The following INPP5D variants were observed in gnomAD, a reference collection of about 807,000 sequenced individuals.
The protein encoded by INPP5D is inositol polyphosphate-5-phosphatase D, also known as phosphatidylinositol 3,4,5-trisphosphate 5-phosphatase 1.
In INPP5D, 33 loss-of-function variants were observed where a neutral mutation model predicts 122.9. The observed-to-expected ratio is 0.27, with a 90% CI of 0.20 to 0.36. INPP5D has a LOEUF of 0.36. Among genes scored for constraint, INPP5D ranks in the 10% least tolerant of loss-of-function variants. The pLI, the probability that INPP5D is intolerant of heterozygous loss-of-function variation, is 1.00. For synonymous variants in INPP5D, 584 were observed against 576.2 expected, an observed-to-expected ratio of 1.01 and a Z score of -0.19; for missense variants, 1,053 against 1,412.7, an observed-to-expected ratio of 0.75 and a Z score of 4.08.
At chr2:233,111,855 G>C (rs769655377) in intron 2 of INPP5D, among the ~76,000 whole-genome samples, 12 of 152,116 alleles carry the variant, frequency 7.9e-5, no homozygotes, top group Non-Finnish European at 1.6e-4. Flanking sequence ...GAGTCCAGGA[G>C]TTTTAGACCA....
At chr2:233,174,876 A>G (rs972885008) in intron 17 of INPP5D, among the ~76,000 whole-genome samples, 5 of 152,088 alleles carry the variant, frequency 3.3e-5, no homozygotes, top group Non-Finnish European at 5.9e-5. Flanking sequence ...TGATTCAGTA[A>G]TTCCGCTTTG....
chr2:233,142,105 G>A (rs1368764448), intron 6 of INPP5D, among the ~76,000 whole-genome samples: 15 of 152,294 alleles, frequency 9.8e-5, no homozygotes, highest in African/African-American at 3.1e-4. Flanking sequence ...AAAAAGCCTC[G>A]TGAGAGAGGC....
At chr2:233,153,648 G>A (rs1386062158) in intron 9 of INPP5D, among the ~76,000 whole-genome samples, 2 of 152,212 alleles carry the variant, frequency 1.3e-5, no homozygotes, top group African/African-American at 4.8e-5. Flanking sequence ...ACACAGCAGG[G>A]TCAGATGGAA....
chr2:233,169,068 C>A lies in INPP5D; in HGVS notation c.1556-237C>A, dbSNP rs1257349552. Among the ~76,000 whole-genome samples the A allele has an allele frequency of 5.9e-5, 9 of 152,286 alleles. No individual in the cohort carries two copies. In the East Asian group the frequency reaches 1.7e-3, roughly 29 times the overall value. On this transcript the variant is annotated intron_variant, in intron 13 of 26. Coordinates refer to ENST00000445964, the MANE Select transcript of INPP5D (RefSeq NM_001017915.3). ...GAGAGATGCCGGGGGAGGATCGCAGCAGCCACCTTCCTCTGCCCCGCCGAG... is the reference window on the plus strand; with the variant it reads ...GAGAGATGCCGGGGGAGGATCGCAGAAGCCACCTTCCTCTGCCCCGCCGAG...
chr2:233,182,037 A>G (rs560975552), intron 18 of INPP5D, among the ~76,000 whole-genome samples: 4 of 152,324 alleles, frequency 2.6e-5, no homozygotes, highest in Non-Finnish European at 5.9e-5. Context: ...TGGAGGCTGC[A>G]GTGAGCCGAG....
At chr2:233,150,927 T>C (rs959330395) in intron 9 of INPP5D, among the ~76,000 whole-genome samples, 1 of 152,006 alleles carries the variant, frequency 6.6e-6, no homozygotes, top group African/African-American at 2.4e-5. Flanking sequence ...ACTGAGAGAA[T>C]GGGGTGTGCA....
intron 13 of INPP5D, among the ~76,000 whole-genome samples, chr2:233,168,362 T>C (rs1285716521): frequency 6.6e-6 from 1 of 152,254 alleles, no homozygotes; most frequent in Non-Finnish European, 1.5e-5. Flanking sequence ...GATAGTCACA[T>C]GTGGCCTGTG....
intron 25 of INPP5D, 50 bp downstream of exon 25, chr2:233,198,426 C>A (rs750042630): frequency 6.4e-7 from 1 of 1,555,620 alleles, no homozygotes; most frequent in East Asian, 2.3e-5. Flanking sequence ...ATGAAAGCGC[C>A]CTGGGCTTTG....
chr2:233,137,877 TATATATATATATATATATATACACACAC>T (rs1693525786), intron 5 of INPP5D, among the ~76,000 whole-genome samples: 1 of 59,384 alleles, frequency 1.7e-5, no homozygotes, highest in East Asian at 4.1e-4. Flanking sequence ...TATATATATA[TATATATATATATATATATATACACACAC>T]ACACACACAT....
chr2:233,175,048 G>A lies in INPP5D; in HGVS notation c.1990-2217G>A, dbSNP rs144814229. ...TCCAGACCAGTCTGGCCAACACCGC[G>A]AAACCCGTCTCTATACAAAATTAGC... On this transcript the variant is annotated intron_variant, in intron 17 of 26. Transcript: ENST00000445964. 1.6e-3 allele frequency among the ~76,000 whole-genome samples: 238 copies of A among 151,532 alleles called. 2 individuals are homozygous for A. The East Asian group carries it at 0.025, about 16-fold the overall frequency.
Position 233,078,026 on chromosome 2 carries a change from G to A in INPP5D, c.135-1309G>A, listed in dbSNP as rs150807238. On this transcript the variant is annotated intron_variant, in intron 1 of 26. Coordinates refer to ENST00000445964, the MANE Select transcript of INPP5D (RefSeq NM_001017915.3). The surrounding 1 kb of genome is among the most constrained non-coding windows in gnomAD (Gnocchi z 4.6). ...CTACAGGGCTCTACGGGCCAGGTGA[G>A]CCTTCCGGGCTCAGGAGAATCTTAA... is the stretch of plus-strand genomic sequence containing the variant. Among the ~76,000 whole-genome samples the A allele has an allele frequency of 4.6e-5, 7 of 152,276 alleles. No homozygotes were observed. Among genetic ancestry groups the A allele is most frequent in the African/African-American group, 1.7e-4 (7 of 41,552 alleles).
intron 1 of INPP5D, among the ~76,000 whole-genome samples, chr2:233,070,732 C>T (rs539092766): frequency 2.0e-5 from 3 of 152,146 alleles, no homozygotes; most frequent in African/African-American, 4.8e-5. Flanking sequence ...TGAGCCACCG[C>T]GCCCGGCCAG....
At position 233,164,714 on chromosome 2, in the gene INPP5D, C is replaced by T. The variant is rs546758133; in HGVS notation, c.1555+290C>T. Among the ~76,000 whole-genome samples the T allele has an allele frequency of 8.5e-5, 13 of 152,264 alleles. No homozygotes were observed. The East Asian group carries it at 1.4e-3, about 16-fold the overall frequency. ...CTGACAGGTTCCCAGGCGACTTGAG[C>T]GCTGCTGGTCGGCCCGTGGGACCCA... On this transcript the variant is annotated intron_variant, in intron 13 of 26. Coordinates refer to ENST00000445964, the MANE Select transcript of INPP5D (RefSeq NM_001017915.3). The surrounding 1 kb of genome is among the most constrained non-coding windows in gnomAD (Gnocchi z 4.3).
rs189006131 is a variant in INPP5D at position 233,193,476 on chromosome 2, T to C, written c.2447-336T>C. On this transcript the variant is annotated intron_variant, in intron 22 of 26. Coordinates refer to ENST00000445964, the MANE Select transcript of INPP5D (RefSeq NM_001017915.3). ...TTTTTCTCTGTGCAAGTTTTAAACTTGCATGTCCTCTTGCCCGCCAATTTT... is the reference window on the plus strand; with the variant it reads ...TTTTTCTCTGTGCAAGTTTTAAACTCGCATGTCCTCTTGCCCGCCAATTTT... Among the ~76,000 whole-genome samples the C allele has an allele frequency of 2.0e-3, 310 of 152,354 alleles. 1 individual carries two copies. Among genetic ancestry groups the C allele is most frequent in the African/African-American group, 5.6e-3 (233 of 41,584 alleles).
rs557479821 is a variant in INPP5D at position 233,161,836 on chromosome 2, C to T, written c.1240+10C>T. 773 of 1,609,234 alleles carry T rather than the reference C, an allele frequency of 4.8e-4. 5 individuals carry two copies. The South Asian group carries it at 7.3e-3, about 15-fold the overall frequency. On this transcript the variant is annotated intron_variant, in intron 11 of 26. Coordinates refer to ENST00000445964, the MANE Select transcript of INPP5D (RefSeq NM_001017915.3). ...GGCACCTGGAACATGGGTGGGTCCG[C>T]GCGCCCCCTCCCTGCAGTCACCCCC...
At chr2:233,193,653 C>G (rs986546446) in intron 22 of INPP5D, among the ~76,000 whole-genome samples, 159 bp from the exon 23 acceptor site, 1 of 152,190 alleles carries the variant, frequency 6.6e-6, no homozygotes, top group Non-Finnish European at 1.5e-5. Flanking sequence ...AGACTTGAGA[C>G]ATTTGCCCCC....
At chr2:233,095,629 A>C (rs1263146482) in intron 2 of INPP5D, among the ~76,000 whole-genome samples, 361 of 15,360 alleles carry the variant, frequency 0.024, 5 homozygotes, top group African/African-American at 0.082. Flanking sequence ...AAAAAAAAAA[A>C]AAAAAAAAAA....
intron 2 of INPP5D, among the ~76,000 whole-genome samples, chr2:233,102,421 T>A (rs993064195): frequency 6.6e-6 from 1 of 152,142 alleles, no homozygotes; most frequent in Non-Finnish European, 1.5e-5. Flanking sequence ...ACACCAAGTT[T>A]CACATTTCGT....
At chr2:233,118,321 ATG>A (rs1692863459) in intron 2 of INPP5D, among the ~76,000 whole-genome samples, 1 of 152,008 alleles carries the variant, frequency 6.6e-6, no homozygotes, top group Non-Finnish European at 1.5e-5. Context: ...ATGCAACACC[ATG>A]TGTGGGCTGC....
Sources: gnomAD v4.1 joint callset for allele counts (sites outside exome capture counted in the v4.1 genomes callset) on GRCh38, gnomAD v4.1.1 for gene constraint, Gnocchi (gnomAD v3.1) non-coding constraint, MANE v1.5 for transcripts, NCBI Gene and HGNC (gene_info 2026-07-23, HGNC 2026-07-21) for gene names.